The following LRRC7 variants were observed in gnomAD, a reference collection of about 807,000 sequenced individuals.
The protein encoded by LRRC7 is leucine-rich repeat-containing protein 7.
A neutral mutation model predicts 175.7 loss-of-function variants in LRRC7; 23 were observed. The observed-to-expected ratio is 0.13, with a 90% CI of 0.09 to 0.19. The LOEUF is 0.19. Ranked by LOEUF, LRRC7 falls within the 10% of genes least tolerant of loss-of-function variation. The probability of loss-of-function intolerance (pLI) is 1.00; values close to 1 mark genes in which losing one functional copy is unlikely to be tolerated. For synonymous variants in LRRC7, 685 were observed against 680.9 expected, an observed-to-expected ratio of 1.01 and a Z score of -0.09; for missense variants, 1,354 against 1,904.7, an observed-to-expected ratio of 0.71 and a Z score of 5.38.
At chr1:70,040,825 A>C (rs1270263933) in intron 21 of LRRC7, among the ~76,000 whole-genome samples, 2 of 152,192 alleles carry the variant, frequency 1.3e-5, no homozygotes, top group African/African-American at 4.8e-5. Flanking sequence ...GGGAAAAAAA[A>C]AATAAATTGT....
At chr1:69,825,641 C>T in intron 4 of LRRC7, 107 bp from the exon 5 acceptor site, 1 of 610,388 alleles carries the variant, frequency 1.6e-6, no homozygotes, top group Non-Finnish European at 2.7e-6. Flanking sequence ...ATGGTGTTTA[C>T]ATCATGTACT....
At chr1:70,113,187 G>A (rs967819175) in intron 26 of LRRC7, among the ~76,000 whole-genome samples, 1 of 152,126 alleles carries the variant, frequency 6.6e-6, no homozygotes, top group Admixed American at 6.5e-5. Context: ...ACTGAATCAC[G>A]CTTCCTTGTC....
chr1:69,942,329 G>T (rs1032433031), intron 8 of LRRC7, among the ~76,000 whole-genome samples: 6 of 152,074 alleles, frequency 3.9e-5, no homozygotes, highest in African/African-American at 1.4e-4. Flanking sequence ...GATAGAAATT[G>T]CAACAGAGGG....
rs1557463007 is a variant in LRRC7, at chr1:69,600,795, G to GTTTTT, written c.2+32154_2+32155insTTTTT. Among the ~76,000 whole-genome samples, 4 of 3,934 alleles carry GTTTTT rather than the reference G, an allele frequency of 1.0e-3. 2 individuals carry two copies. The highest frequency in any genetic ancestry group is 1.6e-3 in the Non-Finnish European group (4 of 2,428). 2.6% of individuals were successfully genotyped at this position (3,934 alleles called of 152,430 possible). A position where few individuals can be genotyped will look rare whatever the true frequency, so the allele number is the denominator to read the frequency against. On this transcript the variant is annotated intron_variant, in intron 1 of 26. Transcript: ENST00000651989. ...ATTAGCCATTTCTCCAAGGATCTCT[G>GTTTTT]GTTTCTTTTTTTTTTTTTTTTTTTT...
At chr1:69,969,467 G>A (rs983025196) in intron 8 of LRRC7, among the ~76,000 whole-genome samples, 1 of 152,036 alleles carries the variant, frequency 6.6e-6, no homozygotes, top group African/African-American at 2.4e-5. Flanking sequence ...CACCAAATGC[G>A]AGCAGCAGTA....
intron 7 of LRRC7, among the ~76,000 whole-genome samples, chr1:69,900,224 G>A (rs1365871668): frequency 1.3e-5 from 2 of 152,064 alleles, no homozygotes; most frequent in Admixed American, 1.3e-4. Flanking sequence ...CTGTGAGACG[G>A]GTATGGAAGA....
Position 70,028,158 on chromosome 1 carries a change from T to C in LRRC7, c.1795-13T>C. The C allele has an allele frequency of 6.3e-7, 1 of 1,599,630 alleles. No individual in the cohort carries two copies. Among genetic ancestry groups the C allele is most frequent in the Non-Finnish European group, 8.5e-7 (1 of 1,171,256 alleles). The stretch of plus-strand genomic sequence containing the variant: ...GTTATTTTTATGTTAAATTTCTTTT[T>C]GTAAACTTCTAGGTTGAAATAAACC... On this transcript the variant is annotated splice_polypyrimidine_tract_variant and intron_variant, in intron 17 of 26. Transcript: ENST00000651989.
At chr1:69,856,071 CTT>C (rs1384553563) in intron 7 of LRRC7, among the ~76,000 whole-genome samples, 1 of 152,118 alleles carries the variant, frequency 6.6e-6, no homozygotes, top group Non-Finnish European at 1.5e-5. Context: ...GGTCTTGACT[CTT>C]TATCCAATTT....
intron 4 of LRRC7, among the ~76,000 whole-genome samples, chr1:69,796,608 A>G (rs1397970397): frequency 1.3e-5 from 2 of 152,110 alleles, no homozygotes; most frequent in Non-Finnish European, 2.9e-5. Flanking sequence ...AACATGGAGA[A>G]GCCCTGCCTC....
chr1:69,924,473 A>T (rs940137099), intron 7 of LRRC7, among the ~76,000 whole-genome samples: 1 of 152,112 alleles, frequency 6.6e-6, no homozygotes, highest in Non-Finnish European at 1.5e-5. Flanking sequence ...CTTTTATTTC[A>T]TTGAGCAGTG....
intron 7 of LRRC7, among the ~76,000 whole-genome samples, chr1:69,847,973 G>A (rs1236441458): frequency 6.6e-6 from 1 of 152,060 alleles, no homozygotes; most frequent in Non-Finnish European, 1.5e-5. Context: ...ACAATCTCAC[G>A]AGGTTTCTGC....
chr1:69,681,848 T>C lies in LRRC7; in HGVS notation c.100+3370T>C, dbSNP rs1660528576. On this transcript the variant is annotated intron_variant, in intron 2 of 26. Coordinates refer to ENST00000651989, the MANE Select transcript of LRRC7 (RefSeq NM_001370785.2). Reference sequence around the variant, plus strand: ...CAGCTTTTGTTCAGAGCACCAGTAATTTTTTATGTTGCTATAATAGTTTTC... The same window carrying C: ...CAGCTTTTGTTCAGAGCACCAGTAACTTTTTATGTTGCTATAATAGTTTTC... 3.9e-5 allele frequency among the ~76,000 whole-genome samples: 6 copies of C among 152,154 alleles called. No individual in the cohort carries two copies. In the South Asian group the frequency reaches 1.2e-3, roughly 31 times the overall value.
intron 7 of LRRC7, among the ~76,000 whole-genome samples, chr1:69,924,482 T>C (rs1646995327): frequency 6.6e-6 from 1 of 152,168 alleles, no homozygotes; most frequent in African/African-American, 2.4e-5. Context: ...CATTGAGCAG[T>C]GGTTTGTAGT....
At chr1:69,974,817 C>T (rs1247493132) in intron 8 of LRRC7, among the ~76,000 whole-genome samples, 1 of 152,062 alleles carries the variant, frequency 6.6e-6, no homozygotes, top group Non-Finnish European at 1.5e-5. Flanking sequence ...AGAAATCAAG[C>T]ATATGCTTTA....
Position 69,651,454 on chromosome 1 carries a change from T to G in LRRC7, c.3-26927T>G, listed in dbSNP as rs564817608. Among the ~76,000 whole-genome samples, 266 of 152,322 alleles carry G rather than the reference T, an allele frequency of 1.7e-3. 1 individual carries two copies. Among genetic ancestry groups the G allele is most frequent in the African/African-American group, 6.1e-3 (254 of 41,574 alleles). On this transcript the variant is annotated intron_variant, in intron 1 of 26. Coordinates refer to ENST00000651989, the MANE Select transcript of LRRC7 (RefSeq NM_001370785.2). ...TTTGTCTTGCTGTATCTACCAAAGT[T>G]ATTTTTAAAAGCACTGGCAGATAAA...
rs77779482 is a variant in LRRC7, at chr1:70,007,465, C to T, written c.1005-4332C>T. Among the ~76,000 whole-genome samples the T allele has an allele frequency of 5.9e-3, 893 of 152,062 alleles. 13 individuals carry two copies. Among genetic ancestry groups the T allele is most frequent in the African/African-American group, 0.02 (838 of 41,480 alleles). On this transcript the variant is annotated intron_variant, in intron 11 of 26. Coordinates refer to ENST00000651989, the MANE Select transcript of LRRC7 (RefSeq NM_001370785.2). ...AAACCTTTTGTCCAAGCATTAAATACTGTTAATGTAGGTTACAAATGCATA... is the reference window on the plus strand; with the variant it reads ...AAACCTTTTGTCCAAGCATTAAATATTGTTAATGTAGGTTACAAATGCATA...
chr1:69,923,945 T>G (rs1418622336), intron 7 of LRRC7, among the ~76,000 whole-genome samples: 1 of 151,560 alleles, frequency 6.6e-6, no homozygotes, highest in African/African-American at 2.4e-5. Context: ...GGTCTAACAT[T>G]TAAGTCTTTA....
chr1:69,590,513 A>C (rs1009339704), intron 1 of LRRC7, among the ~76,000 whole-genome samples: 9 of 152,172 alleles, frequency 5.9e-5, no homozygotes, highest in African/African-American at 1.9e-4. Flanking sequence ...TGTGCTAAGT[A>C]AGACCTACTG....
chr1:70,072,374 C>T (rs1279482476), intron 23 of LRRC7, among the ~76,000 whole-genome samples: 1 of 152,184 alleles, frequency 6.6e-6, no homozygotes, highest in African/African-American at 2.4e-5. Flanking sequence ...TCATCATGAA[C>T]ATCCTCATTA....
Sources: gnomAD v4.1 joint callset for allele counts (sites outside exome capture counted in the v4.1 genomes callset) on GRCh38, gnomAD v4.1.1 for gene constraint, MANE v1.5 for transcripts, NCBI Gene and HGNC (gene_info 2026-07-23, HGNC 2026-07-21) for gene names.